The following SSBP3 variants were observed in gnomAD, a reference collection of about 807,000 sequenced individuals.
The protein encoded by SSBP3 is single-stranded DNA-binding protein 3.
SSBP3 carries 5 observed loss-of-function variants against 69.6 expected under a neutral mutation model. The observed-to-expected ratio is 0.07, with a 90% CI of 0.04 to 0.15. The LOEUF is 0.15. SSBP3 is among the 10% of genes least tolerant of loss of function. The pLI is 1.00. For missense variants in SSBP3, 312 were observed against 534.0 expected, an observed-to-expected ratio of 0.58 and a Z score of 4.10; for synonymous variants, 196 against 193.4, an observed-to-expected ratio of 1.01 and a Z score of -0.11.
At chr1:54,248,195 C>T (rs1343217930) in intron 9 of SSBP3, among the ~76,000 whole-genome samples, 2 of 152,188 alleles carry the variant, frequency 1.3e-5, no homozygotes, top group African/African-American at 4.8e-5. Context: ...CGATGGTCTC[C>T]CACCTTTGAG....
At chr1:54,233,433 C>G (rs959396450) in intron 14 of SSBP3, among the ~76,000 whole-genome samples, 1 of 151,750 alleles carries the variant, frequency 6.6e-6, no homozygotes, top group African/African-American at 2.4e-5. Flanking sequence ...GCAGCCACCC[C>G]ATCTGGGAAG....
chr1:54,301,862 C>T (rs1645808621), intron 4 of SSBP3, among the ~76,000 whole-genome samples: 1 of 152,228 alleles, frequency 6.6e-6, no homozygotes, highest in East Asian at 1.9e-4. Context: ...CAGGCACCCA[C>T]AGGCTCTGCC....
chr1:54,404,617 G>C, exon 3 of SSBP3: 1 of 1,613,892 alleles, frequency 6.2e-7, no homozygotes, highest in South Asian at 1.1e-5. Context: ...CTCCCAACGT[G>C]ATGTTTTTTT....
At chr1:54,279,603 G>A (rs985269613) in intron 5 of SSBP3, among the ~76,000 whole-genome samples, 1 of 152,224 alleles carries the variant, frequency 6.6e-6, no homozygotes, top group Admixed American at 6.5e-5. Flanking sequence ...TGGTACCTCG[G>A]TGGGTCCACC....
At chr1:54,360,439 A>T (rs796666130) in intron 4 of SSBP3, among the ~76,000 whole-genome samples, 3 of 152,246 alleles carry the variant, frequency 2.0e-5, no homozygotes, top group African/African-American at 7.2e-5. Context: ...CAATCACTTC[A>T]CTCTCTAAAA....
intron 14 of SSBP3, among the ~76,000 whole-genome samples, chr1:54,234,281 T>C (rs1421528195): frequency 1.3e-5 from 2 of 148,164 alleles, no homozygotes; most frequent in Non-Finnish European, 3.0e-5. Context: ...TGACCTTCCC[T>C]CCACTATTGT....
chr1:54,253,087 C>T (rs924207089), intron 7 of SSBP3, among the ~76,000 whole-genome samples: 6 of 149,458 alleles, frequency 4.0e-5, no homozygotes, highest in African/African-American at 1.5e-4. Flanking sequence ...AACAGGGGAG[C>T]GGGTATGTGT....
intron 4 of SSBP3, among the ~76,000 whole-genome samples, chr1:54,380,668 A>G (rs1485021710): frequency 6.6e-6 from 1 of 152,102 alleles, no homozygotes; most frequent in African/African-American, 2.4e-5. Context: ...TCGCTGACTC[A>G]CCGGAAAAGG....
chr1:54,271,335 T>C (rs1333478766), intron 5 of SSBP3, among the ~76,000 whole-genome samples: 1 of 152,186 alleles, frequency 6.6e-6, no homozygotes, highest in Non-Finnish European at 1.5e-5. Context: ...GGTTTCAAAC[T>C]GGCTGCAAGC....
chr1:54,304,975 G>T (rs538396493), intron 4 of SSBP3, among the ~76,000 whole-genome samples: 1 of 152,066 alleles, frequency 6.6e-6, no homozygotes, highest in South Asian at 2.1e-4. Flanking sequence ...GACCCGGAGC[G>T]GCTCTTAGTG....
chr1:54,374,894 A>G (rs1267515307), intron 4 of SSBP3, among the ~76,000 whole-genome samples: 1 of 152,236 alleles, frequency 6.6e-6, no homozygotes, highest in Non-Finnish European at 1.5e-5. Context: ...CCGAAGCACA[A>G]GCACCACTCA....
intron 4 of SSBP3, among the ~76,000 whole-genome samples, chr1:54,397,170 A>G (rs1297763179): frequency 6.6e-6 from 1 of 152,234 alleles, no homozygotes; most frequent in African/African-American, 2.4e-5. Context: ...CTCTGGGCAG[A>G]TAGCTAGCCT....
chr1:54,370,375 G>GA (rs1231366529), intron 4 of SSBP3, among the ~76,000 whole-genome samples: 1 of 152,216 alleles, frequency 6.6e-6, no homozygotes, highest in African/African-American at 2.4e-5. Flanking sequence ...TGGCTGACTA[G>GA]AAGGCTGTGT....
chr1:54,328,058 G>T (rs1407250808), intron 4 of SSBP3, among the ~76,000 whole-genome samples: 1 of 152,150 alleles, frequency 6.6e-6, no homozygotes, highest in African/African-American at 2.4e-5. Context: ...GAGGACGGGC[G>T]ACTCTAGGGA....
At position 54,368,479 on chromosome 1, in the gene SSBP3, GA is replaced by G. The variant is rs111748121; in HGVS notation, c.276+33381del. Among the ~76,000 whole-genome samples the G allele has an allele frequency of 3.2e-3, 458 of 142,718 alleles. 1 individual carries two copies. The highest frequency in any genetic ancestry group is 7.7e-3 in the African/African-American group (305 of 39,416). 93.6% of individuals were successfully genotyped at this position (142,718 alleles called of 152,430 possible). A position where few individuals can be genotyped will look rare whatever the true frequency, so the allele number is the denominator to read the frequency against. ...GGACCCATAGTTCCCCACATTTAGG[GA>G]AAAAAAAAAAATCAGAAACCAACTC... is the stretch of plus-strand genomic sequence containing the variant. On this transcript the variant is annotated intron_variant, in intron 4 of 17. Transcript: ENST00000610401.
intron 4 of SSBP3, among the ~76,000 whole-genome samples, chr1:54,381,965 G>T (rs1647688737): frequency 6.6e-6 from 1 of 152,220 alleles, no homozygotes; most frequent in Non-Finnish European, 1.5e-5. Context: ...AGGCCGAGGT[G>T]GGTGGATCAT....
upstream of SSBP3, among the ~76,000 whole-genome samples, chr1:54,409,715 G>A (rs150420185): frequency 7.1e-3 from 1,081 of 152,216 alleles, 6 homozygotes; most frequent in Middle Eastern, 0.037. Flanking sequence ...TATTCTCTCT[G>A]TCTCTCTGTC....
chr1:54,281,721 T>C (rs1440783272), intron 4 of SSBP3, among the ~76,000 whole-genome samples, 194 bp from the exon 5 acceptor site: 1 of 152,034 alleles, frequency 6.6e-6, no homozygotes, highest in East Asian at 1.9e-4. Context: ...AAGTAGGGCT[T>C]ATACACTCAG....
intron 4 of SSBP3, among the ~76,000 whole-genome samples, chr1:54,302,499 A>C (rs758287599): frequency 6.6e-6 from 1 of 151,924 alleles, no homozygotes; most frequent in Non-Finnish European, 1.5e-5. Flanking sequence ...TTTAGTAGAG[A>C]TGGGGTTTCA....
Sources: allele counts gnomAD v4.1 joint callset (sites outside exome capture counted in the v4.1 genomes callset), GRCh38; gene constraint gnomAD v4.1.1; transcripts MANE v1.5; gene names NCBI Gene and HGNC (gene_info 2026-07-23, HGNC 2026-07-21).